C10orf90: variants seen among roughly 807,000 people sequenced by gnomAD.
The protein encoded by C10orf90 is (E2-independent) E3 ubiquitin-conjugating enzyme FATS.
C10orf90 carries 56 observed loss-of-function variants against 62.5 expected under a neutral mutation model. That is an observed-to-expected ratio of 0.90 (90% CI 0.72 to 1.12). C10orf90 has a LOEUF of 1.12. Ranked by LOEUF, C10orf90 falls within the 50% of genes most tolerant of loss-of-function variation. The pLI, the probability that C10orf90 is intolerant of heterozygous loss-of-function variation, is 0.00. For synonymous variants in C10orf90, 386 were observed against 340.4 expected, an observed-to-expected ratio of 1.13 and a Z score of -1.47; for missense variants, 970 against 880.4, an observed-to-expected ratio of 1.10 and a Z score of -1.29.
intron 1 of C10orf90, among the ~76,000 whole-genome samples, chr10:126,656,958 C>G (rs2133865991): frequency 6.6e-6 from 1 of 152,256 alleles, no homozygotes; most frequent in East Asian, 1.9e-4. Flanking sequence ...TGCACCTGAC[C>G]TCAGGGATCT....
rs1860197747 is a variant in C10orf90, at chr10:126,464,944, C to T, written c.1577G>A (p.Gly526Glu). 4 of 1,597,238 alleles carry T rather than the reference C, an allele frequency of 2.5e-6. No individual in the cohort carries two copies. Among genetic ancestry groups the T allele is most frequent in the East Asian group, 2.3e-5 (1 of 44,384 alleles). Reference protein sequence around the residue: ...VFSGSSKRQQGEVCMTVSAPP... With the variant: ...VFSGSSKRQQEEVCMTVSAPP... ...AGCAGACACAGTCATACATACTTCTCCTTGTTGCCTCTTGCTGCTTCCAGA... is the reference window on the plus strand; with the variant it reads ...AGCAGACACAGTCATACATACTTCTTCTTGTTGCCTCTTGCTGCTTCCAGA... The change falls in exon 5 of 10, where the codon GGA (glycine) becomes GAA (glutamate). Residue 526 changes from glycine (G) to glutamate (E), a missense_variant. Physicochemically the swap from Gly to Glu is moderately conservative, Grantham distance 98 (BLOSUM62 -2). Coordinates refer to ENST00000488181, the MANE Select transcript of C10orf90 (RefSeq NM_001350921.2).
chr10:126,646,495 A>AAG (rs139048711), intron 2 of C10orf90, 70 bp downstream of exon 2: 182 of 319,662 alleles, frequency 5.7e-4, no homozygotes, highest in South Asian at 7.8e-4. Flanking sequence ...ATAAAAATAA[A>AAG]AGAGAGAGAG....
chr10:126,448,148 G>T (rs1858919595), intron 7 of C10orf90, among the ~76,000 whole-genome samples: 1 of 149,862 alleles, frequency 6.7e-6, no homozygotes, highest in Non-Finnish European at 1.5e-5. Context: ...AGGATTACAG[G>T]CCTGAGCCAC....
At chr10:126,557,830 A>G (rs977128061) in intron 2 of C10orf90, among the ~76,000 whole-genome samples, 1 of 151,386 alleles carries the variant, frequency 6.6e-6, no homozygotes, top group Non-Finnish European at 1.5e-5. Flanking sequence ...AATTGCCTCC[A>G]TGGGGCTGGT....
intron 1 of C10orf90, among the ~76,000 whole-genome samples, chr10:126,664,088 C>A (rs572072596): frequency 2.0e-5 from 3 of 152,144 alleles, no homozygotes; most frequent in Non-Finnish European, 4.4e-5. Context: ...CAGGAGTAGG[C>A]GTGCTCTAAA....
chr10:126,534,159 C>A (rs1361815141), intron 2 of C10orf90, among the ~76,000 whole-genome samples: 2 of 152,208 alleles, frequency 1.3e-5, no homozygotes, highest in Admixed American at 1.3e-4. Flanking sequence ...ATCAGCTTTC[C>A]TCGAGAACCC....
intron 2 of C10orf90, among the ~76,000 whole-genome samples, chr10:126,624,333 G>T (rs1186039256): frequency 6.6e-6 from 1 of 152,040 alleles, no homozygotes. Context: ...GCAACAGAAT[G>T]AGACTCCATC....
At chr10:126,542,482 G>A (rs1255568564) in intron 2 of C10orf90, among the ~76,000 whole-genome samples, 2 of 151,968 alleles carry the variant, frequency 1.3e-5, no homozygotes, top group Admixed American at 6.6e-5. Context: ...CAGCCTGGGC[G>A]ACAGAGCGAG....
chr10:126,478,797 CA>C (rs887806708), intron 4 of C10orf90, among the ~76,000 whole-genome samples: 139 of 152,180 alleles, frequency 9.1e-4, no homozygotes, highest in Middle Eastern at 3.4e-3. Flanking sequence ...TTCAATGTGC[CA>C]ACTCCTTTCT....
intron 8 of C10orf90, among the ~76,000 whole-genome samples, 197 bp downstream of exon 8, chr10:126,429,590 A>G (rs1469362680): frequency 1.3e-5 from 2 of 152,220 alleles, no homozygotes; most frequent in Non-Finnish European, 2.9e-5. Context: ...AGGTTTTTCC[A>G]AGAGCAGCAT....
intron 4 of C10orf90, among the ~76,000 whole-genome samples, chr10:126,479,048 G>A (rs1341017179): frequency 2.6e-5 from 4 of 152,150 alleles, no homozygotes; most frequent in Non-Finnish European, 5.9e-5. Flanking sequence ...GCACTAGGGT[G>A]GGGAATGGGG....
chr10:126,532,862 G>GAAAAAA (rs1564860259), intron 2 of C10orf90, among the ~76,000 whole-genome samples: 1 of 22,138 alleles, frequency 4.5e-5, no homozygotes, highest in Non-Finnish European at 1.3e-4. Context: ...AAAAAATAGT[G>GAAAAAA]AGCACAAAAC....
intron 4 of C10orf90, among the ~76,000 whole-genome samples, chr10:126,465,942 T>TGCG (rs1367402681): frequency 5.3e-5 from 8 of 152,192 alleles, no homozygotes; most frequent in African/African-American, 1.9e-4. Context: ...ACAGAGAAGA[T>TGCG]GTGGGAGACT....
Position 126,464,242 on chromosome 10 carries a change from C to T in C10orf90, c.1825+454G>A, listed in dbSNP as rs145255903. 2.6e-3 allele frequency among the ~76,000 whole-genome samples: 399 copies of T among 152,230 alleles called. 4 individuals are homozygous for T. The highest frequency in any genetic ancestry group is 8.9e-3 in the African/African-American group (370 of 41,536). On this transcript the variant is annotated intron_variant, in intron 5 of 9. Transcript: ENST00000488181. ...GAGTTTGGGACCTACTTTTTGGGCA[C>T]GTGAGTTCCAGTGTCTCATGCTTGT...
chr10:126,625,606 C>T (rs1845727096), intron 2 of C10orf90, among the ~76,000 whole-genome samples: 1 of 152,188 alleles, frequency 6.6e-6, no homozygotes, highest in East Asian at 1.9e-4. Context: ...AGAGGAGAGG[C>T]AGTGCAGGCT....
chr10:126,575,385 G>T (rs1310078529), intron 2 of C10orf90, among the ~76,000 whole-genome samples: 1 of 151,786 alleles, frequency 6.6e-6, no homozygotes, highest in Non-Finnish European at 1.5e-5. Context: ...AAAGACCTCT[G>T]CAAGGAAAAC....
intron 2 of C10orf90, among the ~76,000 whole-genome samples, chr10:126,578,904 C>T (rs1346956769): frequency 6.6e-6 from 1 of 152,072 alleles, no homozygotes; most frequent in Non-Finnish European, 1.5e-5. Context: ...TATGCCAATC[C>T]CAGAAGGGAG....
At chr10:126,540,813 T>C (rs1864358946) in intron 2 of C10orf90, among the ~76,000 whole-genome samples, 1 of 152,140 alleles carries the variant, frequency 6.6e-6, no homozygotes, top group African/African-American at 2.4e-5. Flanking sequence ...GATAGATCCA[T>C]GGAAGAAAAC....
At chr10:126,619,805 A>C (rs1484116872) in intron 2 of C10orf90, among the ~76,000 whole-genome samples, 1 of 152,026 alleles carries the variant, frequency 6.6e-6, no homozygotes, top group African/African-American at 2.4e-5. Context: ...ATGCCTAGCT[A>C]ATCTTTATAT....
Sources: gnomAD v4.1 joint callset for allele counts (sites outside exome capture counted in the v4.1 genomes callset) on GRCh38, gnomAD v4.1.1 for gene constraint, MANE v1.5 for transcripts, NCBI Gene and HGNC (gene_info 2026-07-23, HGNC 2026-07-21) for gene names.